Variants in SLC39A11 observed in about 807,000 individuals in gnomAD.
SLC39A11 encodes solute carrier family 39 member 11, also known as zinc transporter ZIP11.
A neutral mutation model predicts 36.1 loss-of-function variants in SLC39A11; 33 were observed. The observed-to-expected ratio is 0.91, with a 90% CI of 0.69 to 1.22. SLC39A11 has a LOEUF of 1.22. Among genes scored for constraint, SLC39A11 ranks in the 50% most tolerant of loss-of-function variants. The pLI, the probability that SLC39A11 is intolerant of heterozygous loss-of-function variation, is 0.00. For synonymous variants in SLC39A11, 166 were observed against 170.3 expected, an observed-to-expected ratio of 0.97 and a Z score of 0.20; for missense variants, 432 against 430.3, an observed-to-expected ratio of 1.00 and a Z score of -0.03.
intron 4 of SLC39A11, among the ~76,000 whole-genome samples, chr17:73,009,354 C>CAAAAA (rs56818175): frequency 2.2e-5 from 2 of 92,616 alleles, no homozygotes; most frequent in African/African-American, 4.1e-5. Flanking sequence ...GACTCCATCT[C>CAAAAA]AAAAAAAAAA....
chr17:72,669,909 C>T (rs547242968), intron 7 of SLC39A11, among the ~76,000 whole-genome samples: 4 of 149,944 alleles, frequency 2.7e-5, no homozygotes, highest in Non-Finnish European at 4.4e-5. Flanking sequence ...CATATATATA[C>T]GTATAGATGT....
intron 4 of SLC39A11, among the ~76,000 whole-genome samples, chr17:73,003,019 G>A (rs935709282): frequency 6.6e-5 from 10 of 152,154 alleles, no homozygotes; most frequent in East Asian, 5.8e-4. Flanking sequence ...TAACTTAATC[G>A]CATCTGTAAA....
intron 4 of SLC39A11, among the ~76,000 whole-genome samples, chr17:72,952,573 C>G (rs1398876956): frequency 6.6e-6 from 1 of 152,178 alleles, no homozygotes; most frequent in Non-Finnish European, 1.5e-5. Flanking sequence ...ATAAATACAG[C>G]CTTGGCCCGT....
intron 4 of SLC39A11, among the ~76,000 whole-genome samples, chr17:73,000,274 T>C (rs2089745567): frequency 7.0e-6 from 1 of 142,186 alleles, no homozygotes; most frequent in Non-Finnish European, 1.5e-5. Flanking sequence ...CATCTCTCCT[T>C]TCTCCCCTCT....
chr17:73,023,784 C>T (rs1057280025), intron 4 of SLC39A11, among the ~76,000 whole-genome samples: 6 of 152,192 alleles, frequency 3.9e-5, no homozygotes, highest in Admixed American at 6.5e-5. Context: ...CCACCACACC[C>T]GGTCCCAAAA....
At chr17:73,050,590 A>G (rs2059463967) in intron 3 of SLC39A11, among the ~76,000 whole-genome samples, 1 of 151,910 alleles carries the variant, frequency 6.6e-6, no homozygotes, top group Non-Finnish European at 1.5e-5. Flanking sequence ...CAGCCTCCCA[A>G]GTAGCTGGGA....
At chr17:72,726,057 T>C (rs1472840631) in intron 7 of SLC39A11, among the ~76,000 whole-genome samples, 2 of 152,184 alleles carry the variant, frequency 1.3e-5, no homozygotes, top group Non-Finnish European at 2.9e-5. Context: ...GAGACCAGGC[T>C]GGGAATGCTG....
At chr17:72,870,468 T>C (rs927219045) in intron 5 of SLC39A11, among the ~76,000 whole-genome samples, 3 of 152,270 alleles carry the variant, frequency 2.0e-5, no homozygotes, top group African/African-American at 7.2e-5. Flanking sequence ...ACGGGTGCCC[T>C]GCGGCAATGT....
intron 7 of SLC39A11, among the ~76,000 whole-genome samples, chr17:72,703,447 T>G (rs1369549703): frequency 6.6e-6 from 1 of 152,110 alleles, no homozygotes; most frequent in Non-Finnish European, 1.5e-5. Context: ...AGAACACCTT[T>G]GAATGGGCAT....
chr17:72,776,368 T>G (rs1369345006), intron 6 of SLC39A11, among the ~76,000 whole-genome samples: 1 of 152,210 alleles, frequency 6.6e-6, no homozygotes. Context: ...AATAAATTGT[T>G]TTGCCAAATA....
chr17:72,834,679 C>T (rs114484879), intron 6 of SLC39A11, among the ~76,000 whole-genome samples: 1,839 of 144,834 alleles, frequency 0.013, 55 homozygotes, highest in African/African-American at 0.043. Flanking sequence ...TGTATTAAAC[C>T]ATGTTCTAGC....
intron 3 of SLC39A11, among the ~76,000 whole-genome samples, chr17:73,037,376 G>A (rs891800698): frequency 3.3e-5 from 5 of 152,252 alleles, no homozygotes; most frequent in Non-Finnish European, 7.3e-5. Context: ...AAATCTGGGT[G>A]TAGTGACATA....
chr17:72,905,788 C>T (rs1364482303), intron 5 of SLC39A11, among the ~76,000 whole-genome samples: 1 of 151,566 alleles, frequency 6.6e-6, no homozygotes, highest in East Asian at 2.0e-4. Context: ...GAGTCTCGCT[C>T]TGTCGCCCAG....
intron 4 of SLC39A11, among the ~76,000 whole-genome samples, chr17:72,987,879 G>C (rs1040771383): frequency 1.3e-5 from 2 of 152,082 alleles, no homozygotes; most frequent in Non-Finnish European, 2.9e-5. Flanking sequence ...CCATGTTCTC[G>C]TCCTGAATCG....
chr17:73,071,249 T>A (rs1313969090), intron 3 of SLC39A11, among the ~76,000 whole-genome samples: 1 of 152,210 alleles, frequency 6.6e-6, no homozygotes, highest in African/African-American at 2.4e-5. Flanking sequence ...GAGTGCTGCT[T>A]GAGCTAGCTT....
intron 6 of SLC39A11, among the ~76,000 whole-genome samples, chr17:72,802,815 C>T (rs1391930331): frequency 1.3e-5 from 2 of 152,094 alleles, no homozygotes; most frequent in African/African-American, 2.4e-5. Context: ...CAAAAAGAGG[C>T]TGCCCCTATC....
At position 72,821,420 on chromosome 17, in the gene SLC39A11, C is replaced by A. The variant is rs145384663; in HGVS notation, c.601+28214G>T. Among the ~76,000 whole-genome samples, 488 of 143,814 alleles carry A rather than the reference C, an allele frequency of 3.4e-3. 8 individuals are homozygous for A. The highest frequency in any genetic ancestry group is 0.011 in the African/African-American group (416 of 39,218). 94.3% of individuals were successfully genotyped at this position (143,814 alleles called of 152,430 possible). ...ACTCAGGAGGCGGAGGCACAAGAAC[C>A]GATTGAACTCAGGAGGCGGAGGTTG... On this transcript the variant is annotated intron_variant, in intron 6 of 9. Transcript: ENST00000255559.
chr17:72,699,583 C>T (rs1013621544), intron 7 of SLC39A11, among the ~76,000 whole-genome samples: 3 of 152,228 alleles, frequency 2.0e-5, no homozygotes, highest in African/African-American at 7.2e-5. Context: ...CCTTGTCCCT[C>T]CTCTAAGGCT....
intron 3 of SLC39A11, among the ~76,000 whole-genome samples, chr17:73,051,120 A>C (rs1040817020): frequency 6.6e-5 from 10 of 152,166 alleles, no homozygotes; most frequent in Non-Finnish European, 1.5e-4. Context: ...CTCCCTCTAA[A>C]GGCTCTTGGG....
Sources: allele counts gnomAD v4.1 joint callset (sites outside exome capture counted in the v4.1 genomes callset), GRCh38; gene constraint gnomAD v4.1.1; transcripts MANE v1.5; gene names NCBI Gene and HGNC (gene_info 2026-07-23, HGNC 2026-07-21).